RORA: variants seen among roughly 807,000 people sequenced by gnomAD.
The protein encoded by RORA is RAR related orphan receptor A.
In RORA, 7 loss-of-function variants were observed where a neutral mutation model predicts 69.5. That is an observed-to-expected ratio of 0.10 (90% CI 0.06 to 0.19). The LOEUF (loss-of-function observed/expected upper bound fraction) is 0.19, where lower values mean the gene tolerates loss of function less well. Ranked by LOEUF, RORA falls within the 10% of genes least tolerant of loss-of-function variation. The pLI, the probability that RORA is intolerant of heterozygous loss-of-function variation, is 1.00. For synonymous variants in RORA, 261 were observed against 240.8 expected (o/e 1.08, Z -0.78); for missense variants, 457 against 663.0 (o/e 0.69, Z 3.41).
At chr15:60,648,511 A>G (rs903724693) in intron 2 of RORA, among the ~76,000 whole-genome samples, 4 of 152,242 alleles carry the variant, frequency 2.6e-5, no homozygotes, top group African/African-American at 9.6e-5. Context: ...CCACAGAAAC[A>G]CTACTACAGA....
intron 1 of RORA, among the ~76,000 whole-genome samples, chr15:60,771,163 C>G (rs1008647259): frequency 2.8e-5 from 4 of 144,382 alleles, no homozygotes; most frequent in Non-Finnish European, 4.6e-5. Flanking sequence ...TTCTTTCTGC[C>G]TTATTTTCTG....
chr15:61,203,422 A>G (rs1388597780), intron 1 of RORA, among the ~76,000 whole-genome samples: 1 of 152,232 alleles, frequency 6.6e-6, no homozygotes, highest in Non-Finnish European at 1.5e-5. Context: ...TAAAACCATC[A>G]TCACTTCATG....
At chr15:61,132,238 T>C (rs1347187805) in intron 1 of RORA, among the ~76,000 whole-genome samples, 1 of 152,196 alleles carries the variant, frequency 6.6e-6, no homozygotes, top group Non-Finnish European at 1.5e-5. Flanking sequence ...TTTAACCACA[T>C]TAAATGCTAG....
chr15:61,013,536 G>A (rs1003689420), intron 1 of RORA, among the ~76,000 whole-genome samples: 22 of 152,082 alleles, frequency 1.4e-4, no homozygotes, highest in African/African-American at 5.1e-4. Flanking sequence ...TTAGTGTGTC[G>A]CTCACCCTGT....
intron 1 of RORA, among the ~76,000 whole-genome samples, chr15:60,977,061 A>G (rs4267252): frequency 0.16 from 24,143 of 151,182 alleles, 2,162 homozygotes; most frequent in South Asian, 0.22. Flanking sequence ...TGTTTGGGCA[A>G]TAATGTATGT....
intron 2 of RORA, among the ~76,000 whole-genome samples, chr15:60,638,386 C>CTTT (rs375782514): frequency 0.017 from 1,997 of 117,852 alleles, 48 homozygotes; most frequent in African/African-American, 0.06. Context: ...ATTTTCTTTT[C>CTTT]TTTTTTTTTT....
chr15:61,190,828 T>G (rs1367624769), intron 1 of RORA, among the ~76,000 whole-genome samples: 1 of 152,236 alleles, frequency 6.6e-6, no homozygotes, highest in Non-Finnish European at 1.5e-5. Context: ...AATGCTTGCA[T>G]GTATGTGTGT....
chr15:61,117,554 A>G (rs1014853559), intron 1 of RORA, among the ~76,000 whole-genome samples: 4 of 152,208 alleles, frequency 2.6e-5, no homozygotes, highest in African/African-American at 9.7e-5. Flanking sequence ...AGAAACTGTA[A>G]CCTTTACTTC....
At chr15:61,044,035 C>G (rs535004055) in intron 1 of RORA, among the ~76,000 whole-genome samples, 4 of 151,892 alleles carry the variant, frequency 2.6e-5, no homozygotes, top group Non-Finnish European at 5.9e-5. Context: ...GCTCCTCCCA[C>G]CCCCTCCCTA....
At chr15:61,100,731 T>C (rs1468536528) in intron 1 of RORA, among the ~76,000 whole-genome samples, 1 of 152,212 alleles carries the variant, frequency 6.6e-6, no homozygotes, top group East Asian at 1.9e-4. Context: ...TCACATTATC[T>C]ATCACCAGCA....
intron 1 of RORA, among the ~76,000 whole-genome samples, chr15:60,918,057 C>T (rs1021927464): frequency 6.6e-5 from 10 of 152,226 alleles, no homozygotes; most frequent in African/African-American, 2.2e-4. Context: ...CTAATCCTTT[C>T]GACAACCCCA....
chr15:60,978,847 A>C (rs1040637294), intron 1 of RORA, among the ~76,000 whole-genome samples: 1 of 151,978 alleles, frequency 6.6e-6, no homozygotes, highest in African/African-American at 2.4e-5. Flanking sequence ...GTGGACTCTC[A>C]ATTCTATTCC....
At chr15:60,521,182 C>A (rs1474497170) in intron 3 of RORA, among the ~76,000 whole-genome samples, 1 of 151,678 alleles carries the variant, frequency 6.6e-6, no homozygotes, top group African/African-American at 2.4e-5. Context: ...GTCGTCCAGG[C>A]ATACATAGTA....
At position 60,806,975 on chromosome 15, in the gene RORA, T is replaced by C. The variant is rs1195823662; in HGVS notation, c.167-128289A>G. 2.0e-5 allele frequency among the ~76,000 whole-genome samples: 3 copies of C among 152,102 alleles called. No homozygotes were observed. The East Asian group carries it at 5.8e-4, about 29-fold the overall frequency. On this transcript the variant is annotated intron_variant, in intron 1 of 10. Coordinates refer to ENST00000335670, the MANE Select transcript of RORA (RefSeq NM_134261.3). Reference sequence around the variant, plus strand: ...ACATTATACTGAATGGGGAAAAGTTTAAAGCATTCCCCCTGAGAACTGAAA... The same window carrying C: ...ACATTATACTGAATGGGGAAAAGTTCAAAGCATTCCCCCTGAGAACTGAAA...
At chr15:61,022,265 G>A (rs957591691) in intron 1 of RORA, among the ~76,000 whole-genome samples, 1 of 152,206 alleles carries the variant, frequency 6.6e-6, no homozygotes, top group Non-Finnish European at 1.5e-5. Context: ...CTAATTGCAT[G>A]TAAAATGCTT....
intron 1 of RORA, among the ~76,000 whole-genome samples, chr15:60,917,127 A>G (rs1034302997): frequency 6.6e-6 from 1 of 152,138 alleles, no homozygotes; most frequent in Non-Finnish European, 1.5e-5. Flanking sequence ...ACCCAACTTC[A>G]TCACAGCTCT....
At chr15:61,013,515 T>C (rs1237440769) in intron 1 of RORA, among the ~76,000 whole-genome samples, 3 of 152,218 alleles carry the variant, frequency 2.0e-5, no homozygotes, top group African/African-American at 7.2e-5. Context: ...GCCTTTTAGA[T>C]GTCTACAGGA....
At chr15:60,508,591 A>C (rs1400170625) in intron 5 of RORA, among the ~76,000 whole-genome samples, 1 of 152,228 alleles carries the variant, frequency 6.6e-6, no homozygotes, top group Non-Finnish European at 1.5e-5. Flanking sequence ...AGGAAACTGA[A>C]CCACAGTGAA....
chr15:60,942,452 T>C (rs751893135), intron 1 of RORA, among the ~76,000 whole-genome samples: 1 of 152,262 alleles, frequency 6.6e-6, no homozygotes, highest in African/African-American at 2.4e-5. Context: ...TTATGTGTGT[T>C]AAGCAAGATG....
Sources: allele counts gnomAD v4.1 joint callset (sites outside exome capture counted in the v4.1 genomes callset), GRCh38; gene constraint gnomAD v4.1.1; transcripts MANE v1.5; gene names NCBI Gene and HGNC (gene_info 2026-07-23, HGNC 2026-07-21).